CC2D2B: variants seen among roughly 807,000 people sequenced by gnomAD.
CC2D2B encodes the protein coiled-coil and C2 domain containing 2B.
Under a neutral mutation model 161.2 loss-of-function variants are expected in CC2D2B, and 128 were observed. That is an observed-to-expected ratio of 0.79 (90% CI 0.69 to 0.92). The LOEUF (loss-of-function observed/expected upper bound fraction) is 0.92. CC2D2B is among the 40% of genes least tolerant of loss of function. CC2D2B has a pLI of 0.00. For missense variants in CC2D2B, 1,173 were observed against 1,375.1 expected, an observed-to-expected ratio of 0.85 and a Z score of 2.32; for synonymous variants, 391 against 449.8, an observed-to-expected ratio of 0.87 and a Z score of 1.65.
chr10:95,981,861 T>A (rs1026789936), intron 17 of CC2D2B, 114 bp from the exon 18 acceptor site: 2 of 523,186 alleles, frequency 3.8e-6, no homozygotes, highest in African/African-American at 3.9e-5. Context: ...ATGGATAAAT[T>A]TTATCTTCAA....
At position 95,991,554 on chromosome 10, in the gene CC2D2B, C is replaced by T. The variant is rs543274421; in HGVS notation, c.2471+93C>T. On this transcript the variant is annotated intron_variant, in intron 21 of 34. Transcript: ENST00000646931. ...TTCTCTATTTTTATTTTAATTAAGC[C>T]ATATGTCAAAAGATGCGGTTTCAGA... is the stretch of plus-strand genomic sequence containing the variant. 1.6e-5 allele frequency: 6 copies of T among 374,750 alleles called. No homozygotes were observed. In the East Asian group the frequency reaches 2.4e-4, roughly 15 times the overall value. 23.2% of individuals were successfully genotyped at this position (374,750 alleles called of 1,614,324 possible).
intron 4 of CC2D2B, 65 bp from the exon 5 acceptor site, chr10:95,924,714 G>T: frequency 9.5e-7 from 1 of 1,058,170 alleles, no homozygotes; most frequent in South Asian, 1.4e-5. Flanking sequence ...TATAAATTTT[G>T]GACAAAAGAC....
chr10:95,944,764 G>A (rs980408711), intron 9 of CC2D2B, among the ~76,000 whole-genome samples: 2 of 152,212 alleles, frequency 1.3e-5, no homozygotes, highest in Admixed American at 6.5e-5. Flanking sequence ...TAGTGCATCT[G>A]TTCTAGCTTC....
Position 96,003,766 on chromosome 10 carries a change from T to C in CC2D2B, c.2850-386T>C, listed in dbSNP as rs975812978. Among the ~76,000 whole-genome samples, 8 of 152,174 alleles carry C rather than the reference T, an allele frequency of 5.3e-5. No homozygotes were observed. In the South Asian group the frequency reaches 1.0e-3, roughly 20 times the overall value. ...CCACCATGCCGGGCCGTAAATTCTG[T>C]ATTTAAAGTCATATCTATTAACTGG... On this transcript the variant is annotated intron_variant, in intron 24 of 34. Coordinates refer to ENST00000646931, the MANE Select transcript of CC2D2B (RefSeq NM_001349008.3).
chr10:95,944,228 C>T (rs1416552959), intron 9 of CC2D2B, among the ~76,000 whole-genome samples: 2 of 152,096 alleles, frequency 1.3e-5, no homozygotes, highest in Non-Finnish European at 2.9e-5. Flanking sequence ...ATGTTATTTC[C>T]TACAAGGTGC....
intron 29 of CC2D2B, among the ~76,000 whole-genome samples, chr10:96,015,624 C>A (rs1213701107): frequency 6.6e-6 from 1 of 152,100 alleles, no homozygotes; most frequent in East Asian, 1.9e-4. Flanking sequence ...TTCTCCCCTG[C>A]TATATTGCTG....
intron 5 of CC2D2B, among the ~76,000 whole-genome samples, chr10:95,926,850 G>GTGTGTC (rs1554829008): frequency 1.4e-5 from 2 of 145,604 alleles, no homozygotes; most frequent in African/African-American, 5.0e-5. Flanking sequence ...GTGTGTGTCT[G>GTGTGTC]TGTGTGTGTG....
Position 95,978,672 on chromosome 10 carries a change from AAGCCTC to A in CC2D2B, c.1944-3297_1944-3292del, listed in dbSNP as rs546525238. ...CAGGCCTAAGCCACTGAGCCCAGCC[AAGCCTC>A]AGCCTATTAGCCACATCTCTTACCT... On this transcript the variant is annotated intron_variant, in intron 17 of 34. Transcript: ENST00000646931. 1.5e-4 allele frequency among the ~76,000 whole-genome samples: 23 copies of A among 152,276 alleles called. No homozygotes were observed. The East Asian group carries it at 4.0e-3, about 27-fold the overall frequency.
In CC2D2B at chr10:95,955,376, C is replaced by CT. The variant is rs139486333; in HGVS notation, c.1012-8dup. On this transcript the variant is annotated splice_polypyrimidine_tract_variant and intron_variant, in intron 10 of 34. Transcript: ENST00000646931. ...GGCAGATAAAATATACCGAAGAGCT[C>CT]TTTTTTTTTTGTTATAGCTGAAAGC... is the stretch of plus-strand genomic sequence containing the variant. The CT allele has an allele frequency of 0.29, 103,147 of 357,098 alleles. 8,393 individuals are homozygous for CT. Among genetic ancestry groups the CT allele is most frequent in the Admixed American group, 0.37 (7,975 of 21,328 alleles). 22.1% of individuals were successfully genotyped at this position (357,098 alleles called of 1,614,324 possible).
chr10:95,933,533 G>A (rs987665326), intron 6 of CC2D2B, among the ~76,000 whole-genome samples: 7 of 152,028 alleles, frequency 4.6e-5, no homozygotes, highest in Non-Finnish European at 8.8e-5. Context: ...TTTACCTTTG[G>A]TCTTTGGTGT....
intron 20 of CC2D2B, 36 bp from the exon 21 acceptor site, chr10:95,991,334 C>A: frequency 1.5e-6 from 1 of 669,094 alleles, no homozygotes; most frequent in Non-Finnish European, 2.1e-6. Context: ...AAAATATAAA[C>A]AATACATTTT....
chr10:95,979,556 G>A (rs377581674), intron 17 of CC2D2B, among the ~76,000 whole-genome samples: 14 of 152,136 alleles, frequency 9.2e-5, no homozygotes, highest in Admixed American at 8.5e-4. Flanking sequence ...CTCAGGAACT[G>A]AGCCCACAAC....
chr10:95,995,364 A>G lies in CC2D2B; in HGVS notation c.2738A>G (p.Glu913Gly). The change falls in exon 23 of 35, where the codon GAG (glutamate) becomes GGG (glycine). Residue 913 changes from glutamate (E) to glycine (G), a missense_variant and splice_region_variant. Physicochemically the swap from Glu to Gly is moderately conservative, Grantham distance 98. Transcript: ENST00000646931. ...GTAGCCTCAGATGAGACCTTACATG[A>G]GGTAAGTATTTAACACTTCTATAAA... ...KSVASDETLH[E>G]DTVHPFVEVS... 1 of 1,459,318 alleles carries G rather than the reference A, an allele frequency of 6.9e-7. No homozygotes were observed. Among genetic ancestry groups the G allele is most frequent in the Non-Finnish European group, 9.2e-7 (1 of 1,083,296 alleles). 90.4% of individuals were successfully genotyped at this position (1,459,318 alleles called of 1,614,324 possible).
In CC2D2B at chr10:95,924,333, T is replaced by C. The variant is rs2098534208; in HGVS notation, c.117T>C (p.Asn39=). ...HLQKDLDAEE[N]QNVAKTLRGK... Reference sequence around the variant, plus strand: ...TGATAGATTTAGATGCAGAAGAAAATCAAAATGTAGCAAAGACATTGAGAG... The same window carrying C: ...TGATAGATTTAGATGCAGAAGAAAACCAAAATGTAGCAAAGACATTGAGAG... Residue 39 remains asparagine (N), a synonymous_variant, in exon 4 of 35, where the codon AAT becomes AAC. Coordinates refer to ENST00000646931, the MANE Select transcript of CC2D2B (RefSeq NM_001349008.3). 1.3e-6 allele frequency: 2 copies of C among 1,516,148 alleles called. No individual in the cohort carries two copies. The highest frequency in any genetic ancestry group is 1.4e-5 in the African/African-American group (1 of 70,984). 93.9% of individuals were successfully genotyped at this position (1,516,148 alleles called of 1,614,324 possible). A position where few individuals can be genotyped will look rare whatever the true frequency, so the allele number is the denominator to read the frequency against.
chr10:95,957,453 A>G (rs1176364053), intron 11 of CC2D2B, among the ~76,000 whole-genome samples: 1 of 151,976 alleles, frequency 6.6e-6, no homozygotes, highest in Admixed American at 6.6e-5. Context: ...TTAGAAAGTG[A>G]CCACACATAC....
intron 11 of CC2D2B, among the ~76,000 whole-genome samples, chr10:95,960,235 C>T (rs1300373420): frequency 6.6e-6 from 1 of 152,168 alleles, no homozygotes; most frequent in Non-Finnish European, 1.5e-5. Flanking sequence ...GACCACACTC[C>T]TTTAAGTATT....
intron 22 of CC2D2B, among the ~76,000 whole-genome samples, chr10:95,993,899 AATGTGTGTGTG>A (rs2078078802): frequency 2.9e-4 from 16 of 55,480 alleles, no homozygotes; most frequent in African/African-American, 7.7e-4. Flanking sequence ...AGAGAGAGAG[AATGTGTGTGTG>A]TGTGTGTGTG....
intron 22 of CC2D2B, among the ~76,000 whole-genome samples, chr10:95,995,068 T>G (rs2078178480): frequency 6.6e-6 from 1 of 152,158 alleles, no homozygotes; most frequent in Non-Finnish European, 1.5e-5. Context: ...AGTTCAATAT[T>G]TAGGAGTTGC....
intron 11 of CC2D2B, among the ~76,000 whole-genome samples, chr10:95,957,024 G>A (rs1253872516): frequency 6.6e-6 from 1 of 152,292 alleles, no homozygotes; most frequent in East Asian, 1.9e-4. Context: ...TCCAGAGGAA[G>A]GCTTGGGTGG....
Sources: allele counts gnomAD v4.1 joint callset (sites outside exome capture counted in the v4.1 genomes callset), GRCh38; gene constraint gnomAD v4.1.1; transcripts MANE v1.5; gene names NCBI Gene and HGNC (gene_info 2026-07-23, HGNC 2026-07-21).